BMPER: variants seen among roughly 807,000 people sequenced by gnomAD.
BMPER encodes BMP-binding endothelial regulator protein.
Under a neutral mutation model 87.3 loss-of-function variants are expected in BMPER, and 45 were observed. The observed-to-expected ratio is 0.52, with a 90% confidence interval of 0.41 to 0.66. The LOEUF is 0.66. Ranked by LOEUF, BMPER falls within the 30% of genes least tolerant of loss-of-function variation. The probability of loss-of-function intolerance (pLI) is 0.00; values close to 1 mark genes in which losing one functional copy is unlikely to be tolerated. For missense variants in BMPER, 784 were observed against 867.5 expected (o/e 0.90, Z 1.21); for synonymous variants, 326 against 316.2 (o/e 1.03, Z -0.33).
intron 2 of BMPER, among the ~76,000 whole-genome samples, chr7:33,931,315 C>T (rs1388721361): frequency 1.3e-5 from 2 of 152,138 alleles, no homozygotes; most frequent in Admixed American, 1.3e-4. Flanking sequence ...CAGCTGATCC[C>T]GTAAGCCAGG....
chr7:34,058,880 C>T (rs1788353957), intron 10 of BMPER, among the ~76,000 whole-genome samples: 1 of 152,164 alleles, frequency 6.6e-6, no homozygotes. Flanking sequence ...ACATGTCCTC[C>T]CTTCTCTGTT....
At chr7:34,099,433 G>C (rs1338232565) in intron 13 of BMPER, among the ~76,000 whole-genome samples, 1 of 151,874 alleles carries the variant, frequency 6.6e-6, no homozygotes, top group East Asian at 1.9e-4. Flanking sequence ...TTTTTTTCTT[G>C]TAAAAGATTT....
At chr7:33,909,121 G>T (rs539812961) in intron 2 of BMPER, among the ~76,000 whole-genome samples, 52 of 152,072 alleles carry the variant, frequency 3.4e-4, no homozygotes, top group Non-Finnish European at 6.3e-4. Flanking sequence ...TGCTTGTAGG[G>T]CCTCATCTAA....
intron 13 of BMPER, among the ~76,000 whole-genome samples, chr7:34,140,777 T>G (rs1451087423): frequency 6.6e-6 from 1 of 152,262 alleles, no homozygotes; most frequent in Non-Finnish European, 1.5e-5. Context: ...AAATTACATT[T>G]TATTTGTTTA....
At chr7:34,065,216 C>CTCTCTG (rs1788549996) in intron 11 of BMPER, among the ~76,000 whole-genome samples, 1 of 142,846 alleles carries the variant, frequency 7.0e-6, no homozygotes, top group South Asian at 2.2e-4. Flanking sequence ...CTCTCTCTCT[C>CTCTCTG]TCTCTCTCTC....
intron 13 of BMPER, among the ~76,000 whole-genome samples, chr7:34,140,000 A>G (rs941022013): frequency 6.6e-6 from 1 of 152,194 alleles, no homozygotes; most frequent in Admixed American, 6.5e-5. Flanking sequence ...GTGTATAAAT[A>G]TAACTCAGTT....
intron 13 of BMPER, among the ~76,000 whole-genome samples, chr7:34,089,927 T>C (rs1386321886): frequency 6.6e-6 from 1 of 152,168 alleles, no homozygotes; most frequent in Admixed American, 6.5e-5. Context: ...GTAATCAATA[T>C]TTCTTTATTT....
chr7:33,937,179 C>A, intron 2 of BMPER, 110 bp from the exon 3 acceptor site: 1 of 1,146,630 alleles, frequency 8.7e-7, no homozygotes, highest in Non-Finnish European at 1.3e-6. Context: ...GTCTTCTTGC[C>A]AAGTGAAGGC....
intron 4 of BMPER, among the ~76,000 whole-genome samples, chr7:33,967,756 A>G (rs902415760): frequency 1.3e-5 from 2 of 152,208 alleles, no homozygotes; most frequent in African/African-American, 4.8e-5. Flanking sequence ...CCTCTTGACC[A>G]GCAAAATTTC....
intron 14 of BMPER, among the ~76,000 whole-genome samples, chr7:34,149,119 G>A (rs1356998651): frequency 2.6e-5 from 4 of 152,120 alleles, no homozygotes; most frequent in Non-Finnish European, 5.9e-5. Context: ...CTGCCCTCAA[G>A]AGCCCAGGCC....
Position 33,906,807 on chromosome 7 carries a change from C to G in BMPER, c.134-11C>G, listed in dbSNP as rs201019869. ...ACTTTAAATGAAACATTTTTCCCCC[C>G]TGAATTTCAGGTTCTGTTGCAAAAT... On this transcript the variant is annotated splice_polypyrimidine_tract_variant and intron_variant, in intron 1 of 14. Transcript: ENST00000649409. The G allele has an allele frequency of 6.2e-7, 1 of 1,610,130 alleles. No individual in the cohort carries two copies. Among genetic ancestry groups the G allele is most frequent in the Non-Finnish European group, 8.5e-7 (1 of 1,176,570 alleles).
intron 6 of BMPER, among the ~76,000 whole-genome samples, chr7:33,979,028 G>C (rs1785767882): frequency 6.6e-6 from 1 of 152,104 alleles, no homozygotes; most frequent in African/African-American, 2.4e-5. Context: ...CACCCAAGTG[G>C]TAAGGGTGAG....
At chr7:33,983,894 A>G (rs1785926008) in intron 6 of BMPER, among the ~76,000 whole-genome samples, 2 of 152,222 alleles carry the variant, frequency 1.3e-5, no homozygotes, top group South Asian at 4.1e-4. Context: ...TATTGACACA[A>G]TAAAAGAATA....
intron 3 of BMPER, among the ~76,000 whole-genome samples, chr7:33,954,162 T>C (rs1785094528): frequency 6.6e-6 from 1 of 152,200 alleles, no homozygotes; most frequent in African/African-American, 2.4e-5. Flanking sequence ...CCTGGTTAAA[T>C]GATGTGTTGT....
chr7:33,999,951 G>T (rs924643161), intron 6 of BMPER, among the ~76,000 whole-genome samples: 1 of 152,250 alleles, frequency 6.6e-6, no homozygotes, highest in Non-Finnish European at 1.5e-5. Context: ...AACCCTCTAG[G>T]GGAGAGTGCC....
intron 6 of BMPER, among the ~76,000 whole-genome samples, chr7:34,024,367 A>T (rs1787282935): frequency 1.0e-5 from 1 of 96,102 alleles, no homozygotes; most frequent in Non-Finnish European, 1.9e-5. Context: ...CAAAAAAAAA[A>T]AAAAAAAAAA....
intron 6 of BMPER, among the ~76,000 whole-genome samples, chr7:33,979,157 G>A (rs1001295636): frequency 3.3e-5 from 5 of 152,036 alleles, no homozygotes; most frequent in African/African-American, 4.8e-5. Context: ...ATGCGTATAT[G>A]TGCATACGCA....
intron 11 of BMPER, among the ~76,000 whole-genome samples, 191 bp downstream of exon 11, chr7:34,062,238 A>G (rs1788456431): frequency 6.6e-6 from 1 of 152,246 alleles, no homozygotes. Flanking sequence ...GGAGACAAAT[A>G]TAGATACTTC....
chr7:34,072,555 C>T (rs71532594), intron 11 of BMPER, among the ~76,000 whole-genome samples: 435 of 152,220 alleles, frequency 2.9e-3, no homozygotes, highest in Non-Finnish European at 5.0e-3. Flanking sequence ...CTGTAAGGCC[C>T]ATGCACCTGC....
Sources: gnomAD v4.1 joint callset for allele counts (sites outside exome capture counted in the v4.1 genomes callset) on GRCh38, gnomAD v4.1.1 for gene constraint, MANE v1.5 for transcripts, NCBI Gene and HGNC (gene_info 2026-07-23, HGNC 2026-07-21) for gene names.